Variants in CADPS observed in about 807,000 individuals in gnomAD.
The protein encoded by CADPS is calcium dependent secretion activator.
CADPS carries 57 observed loss-of-function variants against 167.3 expected under a neutral mutation model. The observed-to-expected ratio is 0.34, with a 90% confidence interval of 0.28 to 0.42. CADPS has a LOEUF of 0.42. Among genes scored for constraint, CADPS ranks in the 20% least tolerant of loss-of-function variants. The pLI, the probability that CADPS is intolerant of heterozygous loss-of-function variation, is 1.00. For synonymous variants in CADPS, 676 were observed against 635.3 expected, an observed-to-expected ratio of 1.06 and a Z score of -0.96; for missense variants, 1,414 against 1,738.1, an observed-to-expected ratio of 0.81 and a Z score of 3.32.
intron 1 of CADPS, among the ~76,000 whole-genome samples, chr3:62,815,398 G>A (rs304230): frequency 0.62 from 94,475 of 151,450 alleles, 31,248 homozygotes; most frequent in East Asian, 0.89. Context: ...TTAATCTATG[G>A]TCCGAGAAAT....
intron 2 of CADPS, among the ~76,000 whole-genome samples, chr3:62,757,859 AG>A (rs1245276311): frequency 6.6e-6 from 1 of 152,234 alleles, no homozygotes; most frequent in Non-Finnish European, 1.5e-5. Flanking sequence ...GCATGGCAGC[AG>A]GCAAGAGAGC....
In CADPS at chr3:62,455,029, C is replaced by T. The variant is rs1020663917; in HGVS notation, c.3637-9232G>A. Among the ~76,000 whole-genome samples, 2 of 152,050 alleles carry T rather than the reference C, an allele frequency of 1.3e-5. No individual in the cohort carries two copies. Among genetic ancestry groups the T allele is most frequent in the Non-Finnish European group, 2.9e-5 (2 of 68,006 alleles). On this transcript the variant is annotated intron_variant, in intron 26 of 29. Coordinates refer to ENST00000383710, the MANE Select transcript of CADPS (RefSeq NM_003716.4). This position sits in a 1 kb window ranked among gnomAD's most constrained non-coding sequence, Gnocchi z 4.4. The stretch of plus-strand genomic sequence containing the variant: ...TTCTATTCCATGCTCTGATTAGGAG[C>T]CGCAGCCTCATTAACGATGAGAATT...
chr3:62,874,560 T>G lies in CADPS; in HGVS notation c.441+29A>C. ...CGCCCGCCTGGCGACGTCCGGGTGCTGCTCCCTGGGCCTCCCAGGCGCACC... is the reference window on the plus strand; with the variant it reads ...CGCCCGCCTGGCGACGTCCGGGTGCGGCTCCCTGGGCCTCCCAGGCGCACC... On this transcript the variant is annotated intron_variant, in intron 1 of 29. Transcript: ENST00000383710. The surrounding 1 kb of genome is among the most constrained non-coding windows in gnomAD (Gnocchi z 7.1). 1 of 1,524,556 alleles carries G rather than the reference T, an allele frequency of 6.6e-7. No homozygotes were observed. The allele number at this position is 1,524,556 out of a possible 1,614,324, so 94.4% of individuals were successfully genotyped here.
At position 62,420,727 on chromosome 3, in the gene CADPS, T is replaced by C. The variant is rs1194937039; in HGVS notation, c.3777+17377A>G. The stretch of plus-strand genomic sequence containing the variant: ...TAAAAGTTAACATGTGTTTTCACCA[T>C]GTACAGCTGGGTTCTGCCTCCAATG... On this transcript the variant is annotated intron_variant, in intron 28 of 29. Coordinates refer to ENST00000383710, the MANE Select transcript of CADPS (RefSeq NM_003716.4). This position sits in a 1 kb window ranked among gnomAD's most constrained non-coding sequence, Gnocchi z 4.1. 2.0e-5 allele frequency among the ~76,000 whole-genome samples: 3 copies of C among 152,212 alleles called. No individual in the cohort carries two copies. The East Asian group carries it at 5.8e-4, about 29-fold the overall frequency.
chr3:62,663,450 A>G (rs972286769), intron 3 of CADPS, among the ~76,000 whole-genome samples: 2 of 152,162 alleles, frequency 1.3e-5, no homozygotes, highest in Non-Finnish European at 2.9e-5. Context: ...TATTCACAGA[A>G]AAGTTTACTA....
At chr3:62,480,737 G>A (rs1166000657) in intron 22 of CADPS, among the ~76,000 whole-genome samples, 1 of 152,116 alleles carries the variant, frequency 6.6e-6, no homozygotes, top group Non-Finnish European at 1.5e-5. Context: ...TCAAGAAAAA[G>A]CTTATCTGGT....
intron 28 of CADPS, among the ~76,000 whole-genome samples, chr3:62,430,824 T>C (rs2053773138): frequency 6.6e-6 from 1 of 152,142 alleles, no homozygotes; most frequent in South Asian, 2.1e-4. Flanking sequence ...GTATTCTTTT[T>C]GGGAAATGAC....
rs1704912969 is a variant in CADPS at position 62,398,845 on chromosome 3, G to A, written c.*561C>T. The A allele has an allele frequency of 6.6e-6, 1 of 151,860 alleles. No individual in the cohort carries two copies. Among genetic ancestry groups the A allele is most frequent in the Admixed American group, 6.6e-5 (1 of 15,254 alleles). 9.4% of individuals were successfully genotyped at this position (151,860 alleles called of 1,614,324 possible). On this transcript the variant is annotated 3_prime_UTR_variant, in exon 30 of 30. Coordinates refer to ENST00000383710, the MANE Select transcript of CADPS (RefSeq NM_003716.4). ...TAATTATATGAGTAAATGAAAGGAT[G>A]GGTTAACAACGACACAAGGGGTTCA...
chr3:62,544,972 G>A lies in CADPS; in HGVS notation c.1966+4931C>T. 1 of 433,264 alleles carries A rather than the reference G, an allele frequency of 2.3e-6. No individual in the cohort carries two copies. The highest frequency in any genetic ancestry group is 3.3e-6 in the Non-Finnish European group (1 of 302,238). 26.8% of individuals were successfully genotyped at this position (433,264 alleles called of 1,614,324 possible). ...TAGCAGCCTAAGTTCTTGGGTTCGA[G>A]CAAAGATTGAACAAGAAAACTTAAA... On this transcript the variant is annotated intron_variant, in intron 11 of 29. Coordinates refer to ENST00000383710, the MANE Select transcript of CADPS (RefSeq NM_003716.4). The surrounding 1 kb of genome is among the most constrained non-coding windows in gnomAD (Gnocchi z 4.4).
At position 62,599,993 on chromosome 3, in the gene CADPS, C is replaced by A. The variant is rs562249461; in HGVS notation, c.1326-7245G>T. On this transcript the variant is annotated intron_variant, in intron 6 of 29. Coordinates refer to ENST00000383710, the MANE Select transcript of CADPS (RefSeq NM_003716.4). ...ATGGCACCCAACACAGGGCCTGGAA[C>A]ACAGTAAATATTTGCTTAGTAACTA... 3.2e-5 allele frequency among the ~76,000 whole-genome samples: 4 copies of A among 124,302 alleles called. No individual in the cohort carries two copies. In the Admixed American group the frequency reaches 4.0e-4, roughly 12 times the overall value. 81.5% of individuals were successfully genotyped at this position (124,302 alleles called of 152,430 possible). A position where few individuals can be genotyped will look rare whatever the true frequency, so the allele number is the denominator to read the frequency against.
At chr3:62,572,292 G>T (rs915715398) in intron 8 of CADPS, among the ~76,000 whole-genome samples, 1 of 152,114 alleles carries the variant, frequency 6.6e-6, no homozygotes, top group Non-Finnish European at 1.5e-5. Flanking sequence ...GCCAAGTGCA[G>T]TTGAGTTTTT....
intron 6 of CADPS, among the ~76,000 whole-genome samples, chr3:62,638,477 G>A (rs2066773148): frequency 6.6e-6 from 1 of 152,108 alleles, no homozygotes; most frequent in African/African-American, 2.4e-5. Flanking sequence ...TACTCCAGAT[G>A]TAAGTGGCAA....
intron 1 of CADPS, among the ~76,000 whole-genome samples, chr3:62,766,884 C>A (rs969950418): frequency 6.6e-6 from 1 of 152,104 alleles, no homozygotes. Context: ...TGTTTAACTG[C>A]TTGATGATGA....
intron 6 of CADPS, among the ~76,000 whole-genome samples, chr3:62,637,296 C>G (rs889466128): frequency 3.3e-5 from 5 of 152,190 alleles, no homozygotes; most frequent in Non-Finnish European, 5.9e-5. Flanking sequence ...CCAGCTCCAT[C>G]TGACTCTTAG....
intron 1 of CADPS, among the ~76,000 whole-genome samples, chr3:62,835,200 G>A (rs2075721182): frequency 6.6e-6 from 1 of 152,076 alleles, no homozygotes; most frequent in Admixed American, 6.6e-5. Flanking sequence ...AAATGAAGAT[G>A]TATAAGATAA....
At chr3:62,779,663 G>A (rs1258711542) in intron 1 of CADPS, 4 of 522,292 alleles carry the variant, frequency 7.7e-6, no homozygotes, top group African/African-American at 1.9e-5. Context: ...TTACCTGAGT[G>A]CAAGGTCCAC....
intron 21 of CADPS, among the ~76,000 whole-genome samples, chr3:62,488,279 CTT>C (rs1467559634): frequency 1.3e-5 from 2 of 152,112 alleles, no homozygotes; most frequent in African/African-American, 2.4e-5. Flanking sequence ...GAAGTTCACA[CTT>C]TATTTCTATT....
chr3:62,441,822 G>A (rs2056361973), intron 27 of CADPS, among the ~76,000 whole-genome samples: 1 of 152,154 alleles, frequency 6.6e-6, no homozygotes, highest in Admixed American at 6.5e-5. Flanking sequence ...AATTTTGTCT[G>A]GCAAGTGACC....
chr3:62,711,220 T>C (rs1297005348), intron 3 of CADPS, among the ~76,000 whole-genome samples: 1 of 152,160 alleles, frequency 6.6e-6, no homozygotes, highest in East Asian at 1.9e-4. Flanking sequence ...TAATAATAGG[T>C]ATTTATTTAT....
Sources: allele counts gnomAD v4.1 joint callset (sites outside exome capture counted in the v4.1 genomes callset), GRCh38; gene constraint gnomAD v4.1.1; non-coding constraint Gnocchi (gnomAD v3.1); transcripts MANE v1.5; gene names NCBI Gene and HGNC (gene_info 2026-07-23, HGNC 2026-07-21).